The following PSEN1 variants were observed in gnomAD, a reference collection of about 807,000 sequenced individuals.
The protein encoded by PSEN1 is presenilin 1.
A neutral mutation model predicts 53.5 loss-of-function variants in PSEN1; 15 were observed. The ratio of observed to expected loss-of-function variants is 0.28; its 90% confidence interval spans 0.19 to 0.43. PSEN1 has a LOEUF of 0.43. Among genes scored for constraint, PSEN1 ranks in the 20% least tolerant of loss-of-function variants. The pLI is 1.00. For missense variants in PSEN1, 387 were observed against 571.2 expected, an observed-to-expected ratio of 0.68 and a Z score of 3.29; for synonymous variants, 208 against 209.8, an observed-to-expected ratio of 0.99 and a Z score of 0.08.
intron 3 of PSEN1, among the ~76,000 whole-genome samples, chr14:73,148,322 A>C (rs1897127446): frequency 6.6e-6 from 1 of 152,222 alleles, no homozygotes; most frequent in Non-Finnish European, 1.5e-5. Flanking sequence ...TCACCACCTC[A>C]GTTGAAGCCT....
chr14:73,199,181 G>A lies in PSEN1; in HGVS notation c.868+1052G>A, dbSNP rs138601588. On this transcript the variant is annotated intron_variant, in intron 8 of 11. Coordinates refer to ENST00000324501, the MANE Select transcript of PSEN1 (RefSeq NM_000021.4). ...CACTAGGTAGACATTGCTAGCAGAC[G>A]TTTAGAAATGAAATACTAGAGCTTG... Among the ~76,000 whole-genome samples, 84 of 152,324 alleles carry A rather than the reference G, an allele frequency of 5.5e-4. 1 individual carries two copies. The highest frequency in any genetic ancestry group is 7.7e-4 in the African/African-American group (32 of 41,572).
At chr14:73,145,681 T>C (rs748796275) in intron 1 of PSEN1, among the ~76,000 whole-genome samples, 15 of 152,252 alleles carry the variant, frequency 9.9e-5, no homozygotes, top group African/African-American at 4.8e-5. Flanking sequence ...TGAACTTGTA[T>C]GGATACTCAA....
At chr14:73,160,605 T>G (rs867219830) in intron 3 of PSEN1, among the ~76,000 whole-genome samples, 10 of 149,480 alleles carry the variant, frequency 6.7e-5, no homozygotes, top group Non-Finnish European at 1.3e-4. Flanking sequence ...ACGGGTGTAG[T>G]TTTTTTTTGC....
At chr14:73,204,069 G>GCT (rs1308560743) in intron 8 of PSEN1, among the ~76,000 whole-genome samples, 3 of 152,204 alleles carry the variant, frequency 2.0e-5, no homozygotes, top group African/African-American at 7.2e-5. Flanking sequence ...CACGATCTCG[G>GCT]CTCACCACAG....
chr14:73,181,699 TCTCA>T (rs1398173021), intron 5 of PSEN1, among the ~76,000 whole-genome samples: 1 of 152,216 alleles, frequency 6.6e-6, no homozygotes, highest in Non-Finnish European at 1.5e-5. Flanking sequence ...ACTAGTTGAT[TCTCA>T]CTGTTAAGGT....
chr14:73,216,499 G>A (rs540159238), intron 10 of PSEN1, among the ~76,000 whole-genome samples: 2 of 152,242 alleles, frequency 1.3e-5, no homozygotes, highest in South Asian at 2.1e-4. Flanking sequence ...GGTGGCTCAC[G>A]TCTGTAATCC....
chr14:73,197,796 G>A (rs1899014846), intron 7 of PSEN1: 1 of 525,904 alleles, frequency 1.9e-6, no homozygotes, highest in Non-Finnish European at 3.4e-6. Flanking sequence ...GCAAATAGCA[G>A]TCAAACCCAA....
intron 7 of PSEN1, among the ~76,000 whole-genome samples, chr14:73,194,729 C>A (rs558107191): frequency 1.1e-4 from 16 of 152,072 alleles, no homozygotes; most frequent in African/African-American, 3.9e-4. Context: ...CCACCACGCC[C>A]GGCTATTTTT....
At chr14:73,200,879 T>C (rs1310578655) in intron 8 of PSEN1, among the ~76,000 whole-genome samples, 1 of 151,928 alleles carries the variant, frequency 6.6e-6, no homozygotes, top group Non-Finnish European at 1.5e-5. Flanking sequence ...GGTGAAACTC[T>C]GTCTTTACTA....
intron 10 of PSEN1, among the ~76,000 whole-genome samples, chr14:73,215,979 C>T (rs1899896526): frequency 6.6e-6 from 1 of 152,058 alleles, no homozygotes; most frequent in African/African-American, 2.4e-5. Context: ...ACAGTCCGTC[C>T]CCACAGAGAC....
intron 5 of PSEN1, among the ~76,000 whole-genome samples, chr14:73,180,343 T>G (rs1898173782): frequency 6.6e-6 from 1 of 152,212 alleles, no homozygotes; most frequent in African/African-American, 2.4e-5. Context: ...CCACATTTAC[T>G]TGTTCATTTG....
intron 1 of PSEN1, chr14:73,139,230 C>T (rs1307252393): frequency 1.3e-5 from 2 of 151,286 alleles, no homozygotes; most frequent in Non-Finnish European, 2.9e-5. Flanking sequence ...TTGCAGTGAG[C>T]CGAGATCGCG....
chr14:73,158,672 G>T (rs1287118159), intron 3 of PSEN1, among the ~76,000 whole-genome samples: 6 of 152,144 alleles, frequency 3.9e-5, no homozygotes, highest in Non-Finnish European at 7.3e-5. Flanking sequence ...ATGTTTCACA[G>T]GCTGATCTTG....
intron 6 of PSEN1, among the ~76,000 whole-genome samples, chr14:73,191,763 G>A (rs765330647): frequency 5.3e-5 from 8 of 151,984 alleles, no homozygotes; most frequent in African/African-American, 1.7e-4. Context: ...GCCCAGGCTC[G>A]TCTGGAATTC....
chr14:73,198,273 T>C, intron 8 of PSEN1, 144 bp downstream of exon 8: 2 of 646,494 alleles, frequency 3.1e-6, no homozygotes, highest in Non-Finnish European at 5.6e-6. Flanking sequence ...TCTCTTTGTT[T>C]CCTTGCAAGC....
chr14:73,166,067 T>TAAA (rs904841734), intron 3 of PSEN1, among the ~76,000 whole-genome samples: 3 of 151,336 alleles, frequency 2.0e-5, no homozygotes, highest in East Asian at 1.9e-4. Context: ...ATAATAATAA[T>TAAA]AATAAAATAA....
intron 8 of PSEN1, among the ~76,000 whole-genome samples, chr14:73,199,110 A>G (rs1001639736): frequency 2.6e-5 from 4 of 152,172 alleles, no homozygotes; most frequent in African/African-American, 9.6e-5. Flanking sequence ...TTAGTTTTAT[A>G]TCTTTCTGTG....
At chr14:73,184,754 C>T (rs1272785914) in intron 5 of PSEN1, among the ~76,000 whole-genome samples, 2 of 151,506 alleles carry the variant, frequency 1.3e-5, no homozygotes, top group African/African-American at 4.9e-5. Flanking sequence ...TGACCCCCCC[C>T]ACCTCCCTCC....
intron 3 of PSEN1, among the ~76,000 whole-genome samples, chr14:73,159,841 A>G (rs1474660505): frequency 6.6e-6 from 1 of 151,720 alleles, no homozygotes; most frequent in Non-Finnish European, 1.5e-5. Flanking sequence ...CTTTTTTTTG[A>G]TGACAAGATC....
Sources: gnomAD v4.1 joint callset for allele counts (sites outside exome capture counted in the v4.1 genomes callset) on GRCh38, gnomAD v4.1.1 for gene constraint, MANE v1.5 for transcripts, NCBI Gene and HGNC (gene_info 2026-07-23, HGNC 2026-07-21) for gene names.